VPS54: variants seen among roughly 807,000 people sequenced by gnomAD.
VPS54 encodes the protein VPS54 subunit of GARP complex, also known as vacuolar protein sorting-associated protein 54.
In VPS54, 45 loss-of-function variants were observed where a neutral mutation model predicts 121.5. That is an observed-to-expected ratio of 0.37 (90% CI 0.29 to 0.47). The LOEUF (loss-of-function observed/expected upper bound fraction) is 0.47. Ranked by LOEUF, VPS54 falls within the 20% of genes least tolerant of loss-of-function variation. VPS54 has a pLI of 0.99. For missense variants in VPS54, 1,090 were observed against 1,131.4 expected (o/e 0.96, Z 0.52); for synonymous variants, 371 against 385.8 (o/e 0.96, Z 0.45).
chr2:63,939,895 G>C (rs1378440489), intron 11 of VPS54, among the ~76,000 whole-genome samples: 2 of 151,926 alleles, frequency 1.3e-5, no homozygotes, highest in East Asian at 1.9e-4. Context: ...CAAGTAGCTG[G>C]GACAAACATG....
At chr2:63,956,237 G>C (rs1029350049) in intron 7 of VPS54, among the ~76,000 whole-genome samples, 3 of 151,988 alleles carry the variant, frequency 2.0e-5, no homozygotes, top group African/African-American at 7.2e-5. Flanking sequence ...CTAAATTATA[G>C]GAGATTTAAG....
chr2:63,933,523 T>G, intron 12 of VPS54, 150 bp downstream of exon 12: 1 of 693,080 alleles, frequency 1.4e-6, no homozygotes, highest in Non-Finnish European at 2.3e-6. Flanking sequence ...CTCATACATT[T>G]TTATAGAGAT....
At chr2:63,902,980 C>CAACATAACAT (rs70965151) in intron 20 of VPS54, among the ~76,000 whole-genome samples, 28,802 of 151,444 alleles carry the variant, frequency 0.19, 3,080 homozygotes, top group Non-Finnish European at 0.23. Context: ...AATAACATAA[C>CAACATAACAT]AACATAACAT....
rs997936003 is a variant in VPS54, at chr2:63,961,660, A to G, written c.1010+398T>C. On this transcript the variant is annotated intron_variant, in intron 7 of 22. Transcript: ENST00000272322. Reference sequence around the variant, plus strand: ...ATAAACAGACTGCAAATCAGAAATGAATTTTAATAATTATTCAATTTTAAA... The same window carrying G: ...ATAAACAGACTGCAAATCAGAAATGGATTTTAATAATTATTCAATTTTAAA... Among the ~76,000 whole-genome samples, 5 of 152,342 alleles carry G rather than the reference A, an allele frequency of 3.3e-5. No individual in the cohort carries two copies. In the East Asian group the frequency reaches 7.7e-4, roughly 23 times the overall value.
intron 3 of VPS54, among the ~76,000 whole-genome samples, chr2:63,976,619 A>G (rs1331134933): frequency 2.0e-5 from 3 of 152,098 alleles, no homozygotes; most frequent in Non-Finnish European, 4.4e-5. Flanking sequence ...TCTTTAATAA[A>G]TATAGGCCTA....
At chr2:63,914,934 G>A (rs1488138017) in intron 16 of VPS54, among the ~76,000 whole-genome samples, 2 of 151,868 alleles carry the variant, frequency 1.3e-5, no homozygotes, top group Non-Finnish European at 2.9e-5. Flanking sequence ...GGGAGTTCGA[G>A]ACCAGCCTGA....
chr2:63,912,928 A>C (rs1012894068), intron 18 of VPS54, among the ~76,000 whole-genome samples: 1 of 152,178 alleles, frequency 6.6e-6, no homozygotes, highest in African/African-American at 2.4e-5. Context: ...TGATTCTCTT[A>C]TGACATTCAG....
chr2:63,930,200 GAC>G (rs760249170), intron 12 of VPS54, among the ~76,000 whole-genome samples: 136 of 152,154 alleles, frequency 8.9e-4, no homozygotes, highest in Non-Finnish European at 2.8e-4. Context: ...GCCTGGAAGA[GAC>G]ACAACAAAAA....
chr2:63,941,991 G>A (rs1392848640), intron 11 of VPS54, among the ~76,000 whole-genome samples: 8 of 136,622 alleles, frequency 5.9e-5, no homozygotes, highest in African/African-American at 1.7e-4. Flanking sequence ...CCAAGATTGC[G>A]CCACTGCACT....
rs553912271 is a variant in VPS54 at position 63,996,352 on chromosome 2, TCTTTA to T, written c.-20-12338_-20-12334del. Among the ~76,000 whole-genome samples, 36 of 152,326 alleles carry T rather than the reference TCTTTA, an allele frequency of 2.4e-4. 1 individual carries two copies. Among genetic ancestry groups the T allele is most frequent in the South Asian group, 4.1e-4 (2 of 4,824 alleles). On this transcript the variant is annotated intron_variant, in intron 1 of 22. Transcript: ENST00000272322. ...ATACTCTTATAATTTCCTATGCCTG[TCTTTA>T]CTTTAATCTCTTAATCCCATCATCC...
In VPS54 at chr2:63,913,257, A is replaced by G. The variant is rs1344427417; in HGVS notation, c.2388T>C (p.Val796=). The G allele has an allele frequency of 4.3e-6, 7 of 1,611,274 alleles. No homozygotes were observed. The highest frequency in any genetic ancestry group is 5.1e-6 in the Non-Finnish European group (6 of 1,178,938). ...QLVLGAGALQ[V]VGLKTITTKN... ...TTGTAGTTATCGTTTTTAGTCCAAC[A>G]ACTTGCAGTGCACCAGCTCCAAGAA... The change falls in exon 18 of 23, where the codon GTT becomes GTC. Residue 796 remains valine (V), a synonymous_variant. Coordinates refer to ENST00000272322, the MANE Select transcript of VPS54 (RefSeq NM_016516.3).
intron 1 of VPS54, among the ~76,000 whole-genome samples, chr2:64,003,350 TCTC>T (rs1677972981): frequency 6.6e-6 from 1 of 152,214 alleles, no homozygotes; most frequent in Non-Finnish European, 1.5e-5. Flanking sequence ...CACATGGTAA[TCTC>T]CTTATAATTG....
At chr2:63,970,696 G>A (rs1676244377) in intron 4 of VPS54, among the ~76,000 whole-genome samples, 1 of 152,112 alleles carries the variant, frequency 6.6e-6, no homozygotes, top group South Asian at 2.1e-4. Flanking sequence ...TAACTTTTAA[G>A]GTGCAATTCT....
chr2:63,921,134 A>G, intron 13 of VPS54, 72 bp downstream of exon 13: 1 of 1,480,180 alleles, frequency 6.8e-7, no homozygotes, highest in Non-Finnish European at 9.1e-7. Flanking sequence ...GGAACACAGG[A>G]AGCAAAGACA....
intron 22 of VPS54, 82 bp downstream of exon 22, chr2:63,897,414 A>G: frequency 9.9e-7 from 1 of 1,010,492 alleles, no homozygotes. Context: ...ATTACAGCAG[A>G]AAAGGATGGC....
intron 1 of VPS54, among the ~76,000 whole-genome samples, chr2:63,996,901 T>C (rs902803253): frequency 1.1e-4 from 16 of 152,182 alleles, no homozygotes; most frequent in Admixed American, 9.8e-4. Flanking sequence ...CCTTGAAGCA[T>C]GTGATCTCTG....
At chr2:63,977,538 A>G (rs548974352) in intron 3 of VPS54, among the ~76,000 whole-genome samples, 3 of 152,260 alleles carry the variant, frequency 2.0e-5, no homozygotes, top group African/African-American at 4.8e-5. Context: ...CTGTTATACT[A>G]TCTTTGATTT....
Position 63,966,368 on chromosome 2 carries a change from T to C in VPS54, c.493-402A>G, listed in dbSNP as rs542595772. ...AACCTATATTTCTATTTTCTCCTGC[T>C]CAAAATTGTTTTAAAATTAGTTTAG... On this transcript the variant is annotated intron_variant, in intron 5 of 22. Transcript: ENST00000272322. 8.5e-5 allele frequency among the ~76,000 whole-genome samples: 13 copies of C among 152,348 alleles called. No homozygotes were observed. The South Asian group carries it at 2.7e-3, about 32-fold the overall frequency.
chr2:63,925,337 A>G (rs912618256), intron 12 of VPS54, among the ~76,000 whole-genome samples: 66 of 152,364 alleles, frequency 4.3e-4, no homozygotes, highest in African/African-American at 1.5e-3. Context: ...CACTTGCAAC[A>G]TACCCAACAG....
Sources: allele counts gnomAD v4.1 joint callset (sites outside exome capture counted in the v4.1 genomes callset), GRCh38; gene constraint gnomAD v4.1.1; transcripts MANE v1.5; gene names NCBI Gene and HGNC (gene_info 2026-07-23, HGNC 2026-07-21).